The following SLIT1 variants were observed in gnomAD, a reference collection of about 807,000 sequenced individuals.
SLIT1 encodes slit homolog 1 protein.
Under a neutral mutation model 186.1 loss-of-function variants are expected in SLIT1, and 66 were observed. That is an observed-to-expected ratio of 0.35 (90% CI 0.29 to 0.44). The LOEUF is 0.44. SLIT1 is among the 20% of genes least tolerant of loss of function. The pLI is 1.00. For synonymous variants in SLIT1, 761 were observed against 833.8 expected (o/e 0.91, Z 1.50); for missense variants, 1,638 against 2,037.4 (o/e 0.80, Z 3.77).
intron 5 of SLIT1, among the ~76,000 whole-genome samples, chr10:97,065,136 CTACACACACACACA>C (rs1848932600): frequency 7.7e-6 from 1 of 130,012 alleles, no homozygotes; most frequent in South Asian, 2.5e-4. Flanking sequence ...AGGCACCCCC[CTACACACACACACA>C]CACACACACA....
intron 1 of SLIT1, among the ~76,000 whole-genome samples, chr10:97,166,368 T>G (rs1347907890): frequency 1.3e-5 from 2 of 150,980 alleles, no homozygotes; most frequent in African/African-American, 4.9e-5. Flanking sequence ...TACAAAAAAA[T>G]TATCGGGCAT....
chr10:97,052,016 A>G (rs1379672292), intron 13 of SLIT1, among the ~76,000 whole-genome samples: 2 of 152,160 alleles, frequency 1.3e-5, no homozygotes, highest in African/African-American at 2.4e-5. Flanking sequence ...TACATGCTAC[A>G]ATATGAATGA....
At chr10:97,067,311 G>A (rs1367588923) in intron 4 of SLIT1, among the ~76,000 whole-genome samples, 1 of 152,144 alleles carries the variant, frequency 6.6e-6, no homozygotes, top group African/African-American at 2.4e-5. Context: ...GTCAGGGCCG[G>A]GCCTCTGACC....
intron 10 of SLIT1, 128 bp downstream of exon 10, chr10:97,059,959 G>T: frequency 1.2e-6 from 1 of 803,022 alleles, no homozygotes; most frequent in Non-Finnish European, 2.2e-6. Context: ...GGGCAGGAAG[G>T]TCAGGTGGCT....
intron 13 of SLIT1, among the ~76,000 whole-genome samples, chr10:97,055,983 T>C (rs967219242): frequency 6.6e-6 from 1 of 152,212 alleles, no homozygotes; most frequent in African/African-American, 2.4e-5. Flanking sequence ...ATATTATTGT[T>C]AGCTAAAGGC....
At chr10:97,143,174 TG>T (rs1849782932) in intron 4 of SLIT1, among the ~76,000 whole-genome samples, 1 of 152,204 alleles carries the variant, frequency 6.6e-6, no homozygotes, top group Non-Finnish European at 1.5e-5. Context: ...AAGAGGTACT[TG>T]TATACCCATG....
At chr10:97,174,949 G>A (rs1470642902) in intron 1 of SLIT1, among the ~76,000 whole-genome samples, 1 of 152,176 alleles carries the variant, frequency 6.6e-6, no homozygotes, top group Non-Finnish European at 1.5e-5. Flanking sequence ...TAGTTCTGTA[G>A]TGTACTGTAC....
At chr10:97,119,643 C>T (rs1035976947) in intron 4 of SLIT1, among the ~76,000 whole-genome samples, 7 of 151,314 alleles carry the variant, frequency 4.6e-5, no homozygotes, top group Non-Finnish European at 8.8e-5. Flanking sequence ...CCCATCCTCC[C>T]TGGCTTTGCA....
At chr10:97,157,467 G>T (rs942167378) in intron 4 of SLIT1, 2 of 284,198 alleles carry the variant, frequency 7.0e-6, no homozygotes, top group Non-Finnish European at 1.3e-5. Flanking sequence ...CTCCAGGCAG[G>T]TTACTAAAGG....
At chr10:97,018,543 C>T (rs1405469209) in intron 28 of SLIT1, 43 bp downstream of exon 28, 2 of 1,252,536 alleles carry the variant, frequency 1.6e-6, no homozygotes, top group Non-Finnish European at 2.3e-6. Flanking sequence ...AGGTGCTGGG[C>T]CCATCAGCAC....
At position 97,167,719 on chromosome 10, in the gene SLIT1, T is replaced by C. The variant is rs188649424; in HGVS notation, c.198-2829A>G. ...TGAATTGTAGTTCCCATAATCCCCA[T>C]GTGTCATGGGAGGGAGCCGGTGGGA... On this transcript the variant is annotated intron_variant, in intron 1 of 36. Coordinates refer to ENST00000266058, the MANE Select transcript of SLIT1 (RefSeq NM_003061.3). 4.7e-3 allele frequency among the ~76,000 whole-genome samples: 710 copies of C among 152,300 alleles called. 3 individuals carry two copies. The highest frequency in any genetic ancestry group is 0.016 in the African/African-American group (672 of 41,576).
intron 28 of SLIT1, among the ~76,000 whole-genome samples, chr10:97,015,566 C>T (rs1237860606): frequency 5.3e-5 from 8 of 152,210 alleles, no homozygotes; most frequent in Non-Finnish European, 7.3e-5. Flanking sequence ...AAAGATCAAA[C>T]GCTGTGTCCT....
At chr10:97,007,463 C>A (rs1848369178) in intron 31 of SLIT1, among the ~76,000 whole-genome samples, 1 of 152,056 alleles carries the variant, frequency 6.6e-6, no homozygotes, top group East Asian at 1.9e-4. Context: ...ACCCCAATAC[C>A]AAAACCAAAG....
intron 4 of SLIT1, among the ~76,000 whole-genome samples, chr10:97,080,577 T>C (rs1849093806): frequency 6.6e-6 from 1 of 152,238 alleles, no homozygotes; most frequent in Non-Finnish European, 1.5e-5. Context: ...AGCCACTTCC[T>C]GTAGGAAGAC....
chr10:97,019,213 C>T, intron 26 of SLIT1, 106 bp from the exon 27 acceptor site: 1 of 726,040 alleles, frequency 1.4e-6, no homozygotes, highest in Non-Finnish European at 2.4e-6. Flanking sequence ...GCCGTTTCCC[C>T]TCCTGATTTT....
chr10:97,059,462 C>T lies in SLIT1; in HGVS notation c.1083G>A (p.Ser361=), dbSNP rs756480506. ...GAAGCCTTGGCACTGCTACTCACAG[C>T]GAGTTCAGGGAGCGGAGGCCCTGGA... ...DAFQGLRSLN[S]LVLYGNKITD... Residue 361 remains serine, a splice_region_variant and synonymous_variant, in exon 11 of 37, where the codon TCG becomes TCA. Coordinates refer to ENST00000266058, the MANE Select transcript of SLIT1 (RefSeq NM_003061.3). The T allele has an allele frequency of 3.7e-6, 6 of 1,613,164 alleles. No homozygotes were observed. The South Asian group carries it at 4.4e-5, about 12-fold the overall frequency.
chr10:97,144,227 G>C (rs1045806738), intron 4 of SLIT1, among the ~76,000 whole-genome samples: 5 of 151,810 alleles, frequency 3.3e-5, no homozygotes, highest in African/African-American at 1.2e-4. Context: ...ATTAAGCAGA[G>C]ATCTATTCCA....
At chr10:97,020,633 C>T (rs916065748) in intron 26 of SLIT1, among the ~76,000 whole-genome samples, 3 of 152,252 alleles carry the variant, frequency 2.0e-5, no homozygotes, top group East Asian at 1.9e-4. Flanking sequence ...GGGCAGGAGC[C>T]GTGCTCCACG....
intron 21 of SLIT1, 29 bp downstream of exon 21, chr10:97,039,959 T>A: frequency 6.2e-7 from 1 of 1,611,414 alleles, no homozygotes; most frequent in South Asian, 1.1e-5. Flanking sequence ...TGGACCCACG[T>A]GAAGGGGGCA....
Sources: allele counts gnomAD v4.1 joint callset (sites outside exome capture counted in the v4.1 genomes callset), GRCh38; gene constraint gnomAD v4.1.1; transcripts MANE v1.5; gene names NCBI Gene and HGNC (gene_info 2026-07-23, HGNC 2026-07-21).